The following KCNQ1 variants were observed in gnomAD, a reference collection of about 807,000 sequenced individuals.
KCNQ1 encodes potassium voltage-gated channel subfamily KQT member 1.
A neutral mutation model predicts 72.4 loss-of-function variants in KCNQ1; 49 were observed. The ratio of observed to expected loss-of-function variants is 0.68; its 90% CI spans 0.54 to 0.86. The LOEUF is 0.86. KCNQ1 is among the 40% of genes least tolerant of loss of function. KCNQ1 has a pLI of 0.00. For synonymous variants in KCNQ1, 450 were observed against 412.6 expected, an observed-to-expected ratio of 1.09 and a Z score of -1.10; for missense variants, 790 against 945.1, an observed-to-expected ratio of 0.84 and a Z score of 2.15.
rs1313878576 is a variant in KCNQ1, at chr11:2,471,720, G to C, written c.386+26236G>C. Among the ~76,000 whole-genome samples the C allele has an allele frequency of 1.4e-5, 2 of 143,232 alleles. No homozygotes were observed. The highest frequency in any genetic ancestry group is 5.8e-5 in the African/African-American group (2 of 34,526). 94.0% of individuals were successfully genotyped at this position (143,232 alleles called of 152,430 possible). A position where few individuals can be genotyped will look rare whatever the true frequency, so the allele number is the denominator to read the frequency against. On this transcript the variant is annotated intron_variant, in intron 1 of 15. Coordinates refer to ENST00000155840, the MANE Select transcript of KCNQ1 (RefSeq NM_000218.3). The surrounding 1 kb of genome is among the most constrained non-coding windows in gnomAD (Gnocchi z 4.8). ...TGTGTGTATAGGTGTGTGTATGTGTGCATGGGCGTGTGTATGTGTGCATGG... is the reference window on the plus strand; with the variant it reads ...TGTGTGTATAGGTGTGTGTATGTGTCCATGGGCGTGTGTATGTGTGCATGG...
Position 2,762,866 on chromosome 11 carries a change from G to T in KCNQ1, c.1515-5978G>T, listed in dbSNP as rs553355280. On this transcript the variant is annotated intron_variant, in intron 11 of 15. Coordinates refer to ENST00000155840, the MANE Select transcript of KCNQ1 (RefSeq NM_000218.3). The surrounding 1 kb of genome is among the most constrained non-coding windows in gnomAD (Gnocchi z 4.3). ...GAAACTGGTCCCTGGTGCCAAAAAG[G>T]TTGGGGAACCACTGCCCTATTCCGT... 9.9e-5 allele frequency among the ~76,000 whole-genome samples: 15 copies of T among 152,214 alleles called. No homozygotes were observed. In the South Asian group the frequency reaches 2.7e-3, roughly 27 times the overall value.
chr11:2,814,550 A>G (rs123381), intron 15 of KCNQ1, among the ~76,000 whole-genome samples: 97,104 of 148,624 alleles, frequency 0.65, 32,577 homozygotes, highest in Admixed American at 0.73. Flanking sequence ...GAGCTGATGG[A>G]GAAATGATGG....
At chr11:2,684,731 T>C in intron 11 of KCNQ1, 1 of 398,562 alleles carries the variant, frequency 2.5e-6, no homozygotes, top group East Asian at 3.6e-5. Flanking sequence ...GAACCCAGGG[T>C]AGGTCTGCCT....
At chr11:2,760,358 G>A (rs919745024) in intron 11 of KCNQ1, among the ~76,000 whole-genome samples, 3 of 152,218 alleles carry the variant, frequency 2.0e-5, no homozygotes, top group Non-Finnish European at 4.4e-5. Flanking sequence ...GGGGTGGGGA[G>A]CTCATCTCAT....
At position 2,457,616 on chromosome 11, in the gene KCNQ1, G is replaced by A. The variant is rs573332069; in HGVS notation, c.386+12132G>A. Among the ~76,000 whole-genome samples, 29 of 151,978 alleles carry A rather than the reference G, an allele frequency of 1.9e-4. No homozygotes were observed. In the East Asian group the frequency reaches 5.6e-3, roughly 29 times the overall value. On this transcript the variant is annotated intron_variant, in intron 1 of 15. Coordinates refer to ENST00000155840, the MANE Select transcript of KCNQ1 (RefSeq NM_000218.3). This position sits in a 1 kb window ranked among gnomAD's most constrained non-coding sequence, Gnocchi z 5.0. ...TAATGATGAGAACAAGAGACACTGG[G>A]GAATACAAGAGTGGGGAGGGGGGAA...
chr11:2,836,720 G>A (rs555123607), intron 15 of KCNQ1, among the ~76,000 whole-genome samples: 9 of 152,358 alleles, frequency 5.9e-5, no homozygotes, highest in Non-Finnish European at 1.0e-4. Flanking sequence ...AGCCACATGT[G>A]TGTCACATCA....
rs1454360606 is a variant in KCNQ1 at position 2,458,937 on chromosome 11, A to G, written c.386+13453A>G. Among the ~76,000 whole-genome samples the G allele has an allele frequency of 6.6e-6, 1 of 152,220 alleles. No individual in the cohort carries two copies. Among genetic ancestry groups the G allele is most frequent in the Non-Finnish European group, 1.5e-5 (1 of 68,032 alleles). On this transcript the variant is annotated intron_variant, in intron 1 of 15. Transcript: ENST00000155840. The surrounding 1 kb of genome is among the most constrained non-coding windows in gnomAD (Gnocchi z 4.6). ...AGTTAGGTCCTCAATAAATGATGAC[A>G]AATATTGGATTAAATTACTTCTGGT...
intron 11 of KCNQ1, chr11:2,689,282 T>A: frequency 2.5e-6 from 1 of 398,662 alleles, no homozygotes; most frequent in Non-Finnish European, 4.4e-6. Context: ...TGCACAGATA[T>A]CTCCCACTCC....
At chr11:2,843,681 GA>G (rs1848257962) in intron 15 of KCNQ1, among the ~76,000 whole-genome samples, 1 of 152,248 alleles carries the variant, frequency 6.6e-6, no homozygotes, top group South Asian at 2.1e-4. Flanking sequence ...TCCCTTGAAA[GA>G]CTCTTTTTCA....
chr11:2,616,071 T>C (rs921229567), intron 10 of KCNQ1: 1 of 398,184 alleles, frequency 2.5e-6, no homozygotes, highest in Non-Finnish European at 4.4e-6. Context: ...AATTTCTGTT[T>C]TGGTCTGTAT....
intron 10 of KCNQ1, chr11:2,643,465 A>G: frequency 2.5e-6 from 1 of 398,430 alleles, no homozygotes; most frequent in Non-Finnish European, 4.4e-6. Flanking sequence ...TGATGAAAGT[A>G]TAGCTACTCC....
rs1486272983 is a variant in KCNQ1, at chr11:2,673,219, A to ACTAG, written c.1514+11138_1514+11139insCTAG. The ACTAG allele has an allele frequency of 2.8e-4, 110 of 398,746 alleles. No individual in the cohort carries two copies. Among genetic ancestry groups the ACTAG allele is most frequent in the African/African-American group, 2.1e-3 (103 of 48,782 alleles). 24.7% of individuals were successfully genotyped at this position (398,746 alleles called of 1,614,324 possible). On this transcript the variant is annotated intron_variant, in intron 11 of 15. Transcript: ENST00000155840. This position sits in a 1 kb window ranked among gnomAD's most constrained non-coding sequence, Gnocchi z 4.5. ...AGCCGAACTGTGACTAGGCAAGCTGAGTCCCCTGTAGATTCTGGGGACTGG... is the reference window on the plus strand; with the variant it reads ...AGCCGAACTGTGACTAGGCAAGCTGACTAGGTCCCCTGTAGATTCTGGGGACTGG...
chr11:2,843,311 G>A (rs1202074372), intron 15 of KCNQ1, among the ~76,000 whole-genome samples: 1 of 152,222 alleles, frequency 6.6e-6, no homozygotes, highest in Admixed American at 6.5e-5. Flanking sequence ...TCTGACATCC[G>A]ATTGCTCAGA....
At position 2,772,019 on chromosome 11, in the gene KCNQ1, G is replaced by A. The variant is rs765235609; in HGVS notation, c.1590+3100G>A. On this transcript the variant is annotated intron_variant, in intron 12 of 15. Transcript: ENST00000155840. The surrounding 1 kb of genome is among the most constrained non-coding windows in gnomAD (Gnocchi z 6.6). Reference sequence around the variant, plus strand: ...GAAACCTGGCAACAGCAGGATCCTCGCAGGGCACAGAGGCTCCTGCACAAA... The same window carrying A: ...GAAACCTGGCAACAGCAGGATCCTCACAGGGCACAGAGGCTCCTGCACAAA... 2.6e-5 allele frequency among the ~76,000 whole-genome samples: 4 copies of A among 152,148 alleles called. No homozygotes were observed. The highest frequency in any genetic ancestry group is 1.9e-4 in the East Asian group (1 of 5,180).
At position 2,748,007 on chromosome 11, in the gene KCNQ1, A is replaced by G. The variant is rs1846166267; in HGVS notation, c.1515-20837A>G. The stretch of plus-strand genomic sequence containing the variant: ...CTTCCACCACCAGCAGAATACTTCA[A>G]GAAGACCACTCGGGCCTAGGGCTCT... On this transcript the variant is annotated intron_variant, in intron 11 of 15. Transcript: ENST00000155840. The surrounding 1 kb of genome is among the most constrained non-coding windows in gnomAD (Gnocchi z 6.2). Among the ~76,000 whole-genome samples the G allele has an allele frequency of 6.6e-6, 1 of 152,220 alleles. No individual in the cohort carries two copies. Among genetic ancestry groups the G allele is most frequent in the Admixed American group, 6.5e-5 (1 of 15,288 alleles).
rs1280203709 is a variant in KCNQ1, at chr11:2,611,949, A to C, written c.1393+23095A>C. ...CTGCTTCAGGTTAATAATCTACTCA[A>C]ATATTTTTGTCTGCCCTATTCTCTC... is the stretch of plus-strand genomic sequence containing the variant. On this transcript the variant is annotated intron_variant, in intron 10 of 15. Transcript: ENST00000155840. The surrounding 1 kb of genome is among the most constrained non-coding windows in gnomAD (Gnocchi z 5.3). 5.0e-6 allele frequency: 2 copies of C among 398,506 alleles called. No individual in the cohort carries two copies. Among genetic ancestry groups the C allele is most frequent in the East Asian group, 3.6e-5 (1 of 28,090 alleles). 24.7% of individuals were successfully genotyped at this position (398,506 alleles called of 1,614,324 possible).
At position 2,579,414 on chromosome 11, in the gene KCNQ1, T is replaced by C. The variant is rs867645009; in HGVS notation, c.922-4021T>C. ...TGGGCGTGACTTTGTGTGCCTCATA[T>C]GGCTGGTGCCCTGGCAAGGAGCCAC... On this transcript the variant is annotated intron_variant, in intron 6 of 15. Coordinates refer to ENST00000155840, the MANE Select transcript of KCNQ1 (RefSeq NM_000218.3). The surrounding 1 kb of genome is among the most constrained non-coding windows in gnomAD (Gnocchi z 6.0). Among the ~76,000 whole-genome samples the C allele has an allele frequency of 3.9e-5, 6 of 152,302 alleles. No individual in the cohort carries two copies. Among genetic ancestry groups the C allele is most frequent in the Middle Eastern group, 6.8e-3 (2 of 292 alleles).
rs1289534015 is a variant in KCNQ1, at chr11:2,481,712, T to C, written c.386+36228T>C. ...TGTGTACCCTGTTGCAAACTATGCA[T>C]GTGAGGGATCTAGGTTGCCTCCTCT... is the stretch of plus-strand genomic sequence containing the variant. On this transcript the variant is annotated intron_variant, in intron 1 of 15. Transcript: ENST00000155840. This position sits in a 1 kb window ranked among gnomAD's most constrained non-coding sequence, Gnocchi z 4.6. Among the ~76,000 whole-genome samples, 3 of 152,238 alleles carry C rather than the reference T, an allele frequency of 2.0e-5. No individual in the cohort carries two copies. The East Asian group carries it at 5.8e-4, about 29-fold the overall frequency.
chr11:2,616,877 G>T (rs1173114190), intron 10 of KCNQ1: 6 of 398,014 alleles, frequency 1.5e-5, no homozygotes, highest in Non-Finnish European at 2.7e-5. Context: ...GTCCATATAT[G>T]TTTGTAGGTC....
Sources: allele counts gnomAD v4.1 joint callset (sites outside exome capture counted in the v4.1 genomes callset), GRCh38; gene constraint gnomAD v4.1.1; non-coding constraint Gnocchi (gnomAD v3.1); transcripts MANE v1.5; gene names NCBI Gene and HGNC (gene_info 2026-07-23, HGNC 2026-07-21).